The following LMO3 variants were observed in gnomAD, a reference collection of about 807,000 sequenced individuals.
The protein encoded by LMO3 is LIM domain only 3.
A neutral mutation model predicts 15.8 loss-of-function variants in LMO3; 2 were observed. The observed-to-expected ratio is 0.13, with a 90% CI of 0.05 to 0.40. The LOEUF (loss-of-function observed/expected upper bound fraction) is 0.40, where lower values mean the gene tolerates loss of function less well. LMO3 is among the 10% of genes least tolerant of loss of function. The probability of loss-of-function intolerance (pLI) is 0.99; values close to 1 mark genes in which losing one functional copy is unlikely to be tolerated. For missense variants in LMO3, 86 were observed against 182.2 expected, an observed-to-expected ratio of 0.47 and a Z score of 3.04; for synonymous variants, 62 against 63.8, an observed-to-expected ratio of 0.97 and a Z score of 0.13.
chr12:16,605,762 T>TG (rs755057562), intron 1 of LMO3: 48 of 1,535,194 alleles, frequency 3.1e-5, no homozygotes, highest in Middle Eastern at 1.7e-4. Context: ...TCCACTCGAG[T>TG]CGTACTTGAG....
At position 16,582,003 on chromosome 12, in the gene LMO3, T is replaced by G. The variant is rs1303480988; in HGVS notation, c.206+18652A>C. ...TATTTACTTCGTTTTCTTATCTTATTACATTGGCTAGACCCTTTAAAACAT... is the reference window on the plus strand; with the variant it reads ...TATTTACTTCGTTTTCTTATCTTATGACATTGGCTAGACCCTTTAAAACAT... On this transcript the variant is annotated intron_variant, in intron 2 of 3. Coordinates refer to ENST00000537304, the MANE Select transcript of LMO3 (RefSeq NM_018640.5). The surrounding 1 kb of genome is among the most constrained non-coding windows in gnomAD (Gnocchi z 4.1). Among the ~76,000 whole-genome samples, 1 of 152,194 alleles carries G rather than the reference T, an allele frequency of 6.6e-6. No homozygotes were observed. Among genetic ancestry groups the G allele is most frequent in the Non-Finnish European group, 1.5e-5 (1 of 68,028 alleles).
In LMO3 at chr12:16,598,595, C is replaced by T. The variant is rs1565512870; in HGVS notation, c.206+2060G>A. 1 of 152,116 alleles carries T rather than the reference C, an allele frequency of 6.6e-6. No individual in the cohort carries two copies. Among genetic ancestry groups the T allele is most frequent in the Non-Finnish European group, 1.5e-5 (1 of 68,014 alleles). 9.4% of individuals were successfully genotyped at this position (152,116 alleles called of 1,614,324 possible). A position where few individuals can be genotyped will look rare whatever the true frequency, so the allele number is the denominator to read the frequency against. The stretch of plus-strand genomic sequence containing the variant: ...CAGGAGGTAACTGAAAGTTATTCTA[C>T]AAAAAGCCACATACACTCTTATAGA... On this transcript the variant is annotated intron_variant, in intron 2 of 3. Coordinates refer to ENST00000537304, the MANE Select transcript of LMO3 (RefSeq NM_018640.5). The surrounding 1 kb of genome is among the most constrained non-coding windows in gnomAD (Gnocchi z 4.3).
At chr12:16,605,179 G>C in intron 1 of LMO3, 1 of 1,351,996 alleles carries the variant, frequency 7.4e-7, no homozygotes, top group Non-Finnish European at 9.5e-7. Context: ...AACTCTGCCC[G>C]TAATCCTAAA....
chr12:16,589,613 C>G lies in LMO3; in HGVS notation c.206+11042G>C, dbSNP rs531656302. 1 of 152,122 alleles carries G rather than the reference C, an allele frequency of 6.6e-6. No individual in the cohort carries two copies. The highest frequency in any genetic ancestry group is 6.6e-5 in the Admixed American group (1 of 15,266). The allele number at this position is 152,122 out of a possible 1,614,324, so 9.4% of individuals were successfully genotyped here. A position where few individuals can be genotyped will look rare whatever the true frequency, so the allele number is the denominator to read the frequency against. On this transcript the variant is annotated intron_variant, in intron 2 of 3. Coordinates refer to ENST00000537304, the MANE Select transcript of LMO3 (RefSeq NM_018640.5). This position sits in a 1 kb window ranked among gnomAD's most constrained non-coding sequence, Gnocchi z 4.2. ...AAGCACATCATCTCTATTATAAAGA[C>G]AGTGGTTTGTTTAATAACTATCACT...
intron 3 of LMO3, among the ~76,000 whole-genome samples, chr12:16,556,372 G>C (rs1341803512): frequency 6.6e-6 from 1 of 152,104 alleles, no homozygotes; most frequent in South Asian, 2.1e-4. Context: ...TTTAATGCAG[G>C]ATTCACGTTT....
At chr12:16,605,969 A>C (rs1430150171) in intron 1 of LMO3, 97 bp downstream of exon 1, 2 of 734,316 alleles carry the variant, frequency 2.7e-6, no homozygotes, top group Non-Finnish European at 4.4e-6. Flanking sequence ...GAGGTTGGGG[A>C]AGAAAAAAAT....
chr12:16,552,288 C>A (rs1942018553), intron 3 of LMO3, among the ~76,000 whole-genome samples: 1 of 151,926 alleles, frequency 6.6e-6, no homozygotes, highest in Non-Finnish European at 1.5e-5. Flanking sequence ...GTAGAGTTGA[C>A]CCAGTAAAAC....
At chr12:16,588,220 T>TGAA (rs1943381002) in intron 2 of LMO3, among the ~76,000 whole-genome samples, 1 of 151,932 alleles carries the variant, frequency 6.6e-6, no homozygotes, top group African/African-American at 2.4e-5. Flanking sequence ...TTAAAATGTA[T>TGAA]AATAAAGTAT....
chr12:16,578,612 G>T (rs2137513959), intron 2 of LMO3, among the ~76,000 whole-genome samples: 1 of 152,302 alleles, frequency 6.6e-6, no homozygotes, highest in East Asian at 1.9e-4. Context: ...GAGGTCAGGA[G>T]TTCGAGACCA....
intron 2 of LMO3, among the ~76,000 whole-genome samples, chr12:16,571,331 A>G (rs941585850): frequency 6.6e-6 from 1 of 152,118 alleles, no homozygotes; most frequent in African/African-American, 2.4e-5. Flanking sequence ...TTCATGAAGC[A>G]TATTCTATTT....
chr12:16,591,372 T>G lies in LMO3; in HGVS notation c.206+9283A>C, dbSNP rs1042036843. Among the ~76,000 whole-genome samples the G allele has an allele frequency of 6.6e-6, 1 of 152,046 alleles. No individual in the cohort carries two copies. Among genetic ancestry groups the G allele is most frequent in the Non-Finnish European group, 1.5e-5 (1 of 67,970 alleles). ...AAGTCACCGTCTCAGTGAGGCTGTC[T>G]GCACCCCCTCCACACAAACCAAAAT... On this transcript the variant is annotated intron_variant, in intron 2 of 3. Transcript: ENST00000537304. This position sits in a 1 kb window ranked among gnomAD's most constrained non-coding sequence, Gnocchi z 4.1.
rs1941964289 is a variant in LMO3 at position 16,550,936 on chromosome 12, A to G, written c.*286T>C. The G allele has an allele frequency of 8.9e-6, 3 of 336,152 alleles. No homozygotes were observed. The highest frequency in any genetic ancestry group is 1.7e-5 in the Non-Finnish European group (3 of 180,016). The allele number at this position is 336,152 out of a possible 1,614,324, so 20.8% of individuals were successfully genotyped here. On this transcript the variant is annotated 3_prime_UTR_variant, in exon 4 of 4. Coordinates refer to ENST00000537304, the MANE Select transcript of LMO3 (RefSeq NM_018640.5). ...CAAATATTACAATACATTATATACA[A>G]TAGTCCAAAATAAACATCTCATGCC...
At chr12:16,605,324 A>C in intron 1 of LMO3, 1 of 1,162,512 alleles carries the variant, frequency 8.6e-7, no homozygotes. Context: ...CAGCAATCTG[A>C]GTAGTCCCCG....
chr12:16,600,592 T>C (rs1943794825), intron 2 of LMO3, 63 bp downstream of exon 2: 2 of 1,408,436 alleles, frequency 1.4e-6, no homozygotes, highest in South Asian at 2.4e-5. Flanking sequence ...AAACAAAAAA[T>C]ACACTTACAA....
At chr12:16,606,040 C>T (rs1038673313) in intron 1 of LMO3, 26 bp downstream of exon 1, 8 of 583,590 alleles carry the variant, frequency 1.4e-5, no homozygotes, top group Non-Finnish European at 2.1e-5. Flanking sequence ...TAAGCCGACG[C>T]GTGTGTACAC....
intron 3 of LMO3, among the ~76,000 whole-genome samples, chr12:16,556,692 T>C (rs1210299073): frequency 2.0e-5 from 3 of 152,222 alleles, no homozygotes; most frequent in Non-Finnish European, 4.4e-5. Flanking sequence ...ATGGGTTTCC[T>C]GGAGGAGACT....
Position 16,564,657 on chromosome 12 carries a change from T to C in LMO3, c.207-4119A>G, listed in dbSNP as rs573273619. Reference sequence around the variant, plus strand: ...AAATTCCTCCAAGCTATGTAAAGCATAGTATTTGACTCAAAGTAATTTAAT... The same window carrying C: ...AAATTCCTCCAAGCTATGTAAAGCACAGTATTTGACTCAAAGTAATTTAAT... On this transcript the variant is annotated intron_variant, in intron 2 of 3. Coordinates refer to ENST00000537304, the MANE Select transcript of LMO3 (RefSeq NM_018640.5). Among the ~76,000 whole-genome samples, 4 of 152,356 alleles carry C rather than the reference T, an allele frequency of 2.6e-5. 1 individual carries two copies. The South Asian group carries it at 8.3e-4, about 32-fold the overall frequency.
At chr12:16,557,014 G>C (rs1942216234) in intron 3 of LMO3, among the ~76,000 whole-genome samples, 1 of 152,146 alleles carries the variant, frequency 6.6e-6, no homozygotes, top group East Asian at 1.9e-4. Context: ...CAAAATTTAG[G>C]AGTGTTTGTC....
chr12:16,607,330 G>T (rs1004788808), upstream of LMO3: 1 of 152,160 alleles, frequency 6.6e-6, no homozygotes, highest in Admixed American at 6.5e-5. Flanking sequence ...ACAGCCAACA[G>T]CACTGAGAAA....
Sources: gnomAD v4.1 joint callset for allele counts (sites outside exome capture counted in the v4.1 genomes callset) on GRCh38, gnomAD v4.1.1 for gene constraint, Gnocchi (gnomAD v3.1) non-coding constraint, MANE v1.5 for transcripts, NCBI Gene and HGNC (gene_info 2026-07-23, HGNC 2026-07-21) for gene names.